Variants in ANKRD12 observed in about 807,000 individuals in gnomAD.
The protein encoded by ANKRD12 is ankyrin repeat domain 12, also known as ankyrin repeat domain-containing protein 12.
ANKRD12 carries 85 observed loss-of-function variants against 183.4 expected under a neutral mutation model. The observed-to-expected ratio is 0.46, with a 90% CI of 0.39 to 0.56. The LOEUF is 0.56. Among genes scored for constraint, ANKRD12 ranks in the 20% least tolerant of loss-of-function variants. The probability of loss-of-function intolerance (pLI) is 0.00; values close to 1 mark genes in which losing one functional copy is unlikely to be tolerated. For missense variants in ANKRD12, 2,405 were observed against 2,357.1 expected (o/e 1.02, Z -0.42); for synonymous variants, 914 against 800.2 (o/e 1.14, Z -2.40).
Position 9,275,513 on chromosome 18 carries a change from T to C in ANKRD12, c.5764-11T>C. On this transcript the variant is annotated splice_polypyrimidine_tract_variant and intron_variant, in intron 10 of 12. Transcript: ENST00000262126. Reference sequence around the variant, plus strand: ...AAGAATTTATTTTTTTTTAATTCTTTATTCAACTAGGAAAAACTCATTGTA... The same window carrying C: ...AAGAATTTATTTTTTTTTAATTCTTCATTCAACTAGGAAAAACTCATTGTA... The C allele has an allele frequency of 3.1e-6, 5 of 1,595,052 alleles. No individual in the cohort carries two copies. Among genetic ancestry groups the C allele is most frequent in the Non-Finnish European group, 4.3e-6 (5 of 1,168,618 alleles).
At chr18:9,276,306 CTA>C (rs1318070038) in intron 11 of ANKRD12, among the ~76,000 whole-genome samples, 1 of 152,128 alleles carries the variant, frequency 6.6e-6, no homozygotes, top group African/African-American at 2.4e-5. Context: ...AGGAAATAAG[CTA>C]GTAGTACAAA....
chr18:9,146,384 A>C (rs1406942526), intron 1 of ANKRD12, among the ~76,000 whole-genome samples: 1 of 152,118 alleles, frequency 6.6e-6, no homozygotes, highest in Non-Finnish European at 1.5e-5. Context: ...GTGAGACTCC[A>C]TCTACAAAAG....
intron 7 of ANKRD12, among the ~76,000 whole-genome samples, chr18:9,218,423 A>G (rs1221280602): frequency 6.6e-6 from 1 of 152,150 alleles, no homozygotes; most frequent in African/African-American, 2.4e-5. Context: ...CCAAAAATTC[A>G]TTTCTGTATA....
At chr18:9,199,949 C>T (rs1212320100) in intron 3 of ANKRD12, among the ~76,000 whole-genome samples, 2 of 151,962 alleles carry the variant, frequency 1.3e-5, no homozygotes, top group Non-Finnish European at 2.9e-5. Flanking sequence ...TTTTGTATGG[C>T]TTGAATTCTT....
intron 10 of ANKRD12, among the ~76,000 whole-genome samples, chr18:9,271,411 C>T (rs535610275): frequency 6.6e-5 from 10 of 152,150 alleles, no homozygotes; most frequent in South Asian, 4.1e-4. Flanking sequence ...TTTAGCAACT[C>T]GGGAGGCTGA....
chr18:9,144,842 A>T (rs2078439619), intron 1 of ANKRD12, among the ~76,000 whole-genome samples: 1 of 152,128 alleles, frequency 6.6e-6, no homozygotes, highest in African/African-American at 2.4e-5. Flanking sequence ...AGGGGAAAAT[A>T]TGTAATTTGC....
intron 1 of ANKRD12, among the ~76,000 whole-genome samples, chr18:9,155,648 T>G (rs1346393086): frequency 6.6e-6 from 1 of 152,244 alleles, no homozygotes; most frequent in East Asian, 1.9e-4. Context: ...GTCAGACTTT[T>G]AAGTGAGAAG....
intron 8 of ANKRD12, among the ~76,000 whole-genome samples, chr18:9,242,463 CAAAAA>C (rs5823047): frequency 6.6e-6 from 1 of 150,598 alleles, no homozygotes; most frequent in African/African-American, 2.4e-5. Context: ...TATATGCATA[CAAAAA>C]AAAATGAGTT....
At chr18:9,276,134 T>C (rs554828212) in intron 11 of ANKRD12, among the ~76,000 whole-genome samples, 5 of 152,374 alleles carry the variant, frequency 3.3e-5, no homozygotes, top group African/African-American at 1.2e-4. Flanking sequence ...CAATAAAGTT[T>C]ACTGCCACAT....
chr18:9,164,176 T>A lies in ANKRD12; in HGVS notation c.-51-18206T>A, dbSNP rs540815019. On this transcript the variant is annotated intron_variant, in intron 1 of 12. Transcript: ENST00000262126. ...GTGGGTTTGTCATATATGGCTGTTATTATTTTGTGGTATGTTCCTTCAGTC... is the reference window on the plus strand; with the variant it reads ...GTGGGTTTGTCATATATGGCTGTTAATATTTTGTGGTATGTTCCTTCAGTC... Among the ~76,000 whole-genome samples, 22 of 152,304 alleles carry A rather than the reference T, an allele frequency of 1.4e-4. No individual in the cohort carries two copies. The South Asian group carries it at 4.1e-3, about 29-fold the overall frequency.
At chr18:9,205,185 A>G (rs1319455205) in intron 4 of ANKRD12, among the ~76,000 whole-genome samples, 1 of 152,190 alleles carries the variant, frequency 6.6e-6, no homozygotes, top group Non-Finnish European at 1.5e-5. Context: ...ATACAAGAGG[A>G]TATACAAGTA....
rs72939232 is a variant in ANKRD12, at chr18:9,255,786, C to T, written c.2519C>T (p.Thr840Ile). Residue 840 changes from threonine (T) to isoleucine (I), a missense_variant, in exon 9 of 13, where the codon ACC becomes ATC. Physicochemically the swap from Thr to Ile is moderately conservative, Grantham distance 89 (BLOSUM62 -1). Coordinates refer to ENST00000262126, the MANE Select transcript of ANKRD12 (RefSeq NM_015208.5). ...EKDIEKMERK[T>I]FEKEKKIKHE... ...GACATTGAGAAGATGGAAAGAAAAA[C>T]CTTTGAAAAAGAAAAGAAGATAAAA... 61 of 1,571,708 alleles carry T rather than the reference C, an allele frequency of 3.9e-5. No individual in the cohort carries two copies. Among genetic ancestry groups the T allele is most frequent in the Admixed American group, 1.0e-4 (5 of 48,170 alleles).
chr18:9,198,591 C>G (rs1442177806), intron 3 of ANKRD12, among the ~76,000 whole-genome samples: 1 of 152,034 alleles, frequency 6.6e-6, no homozygotes, highest in Non-Finnish European at 1.5e-5. Flanking sequence ...ACTCTGTCGC[C>G]CAGGCTGGAG....
At chr18:9,264,911 G>C (rs1375281075) in intron 10 of ANKRD12, among the ~76,000 whole-genome samples, 1 of 152,224 alleles carries the variant, frequency 6.6e-6, no homozygotes, top group Non-Finnish European at 1.5e-5. Flanking sequence ...AGCTGCCAGC[G>C]TGAGCGACGC....
intron 10 of ANKRD12, 73 bp from the exon 11 acceptor site, chr18:9,275,451 C>T (rs986742284): frequency 3.6e-6 from 5 of 1,402,428 alleles, no homozygotes; most frequent in Middle Eastern, 2.5e-4. Flanking sequence ...CCAGCCTAGG[C>T]GAGAGAGTAA....
At chr18:9,137,267 G>C (rs1254348461) in intron 1 of ANKRD12, among the ~76,000 whole-genome samples, 2 of 147,148 alleles carry the variant, frequency 1.4e-5, no homozygotes, top group African/African-American at 4.9e-5. Context: ...CGCGGCGCAG[G>C]TGGGAGCCGC....
intron 8 of ANKRD12, among the ~76,000 whole-genome samples, chr18:9,249,932 A>G (rs948260982): frequency 5.3e-5 from 8 of 152,218 alleles, no homozygotes; most frequent in Non-Finnish European, 8.8e-5. Context: ...GAGGGGAGTC[A>G]TGGTATAACA....
chr18:9,177,139 A>G (rs557522871), intron 1 of ANKRD12, among the ~76,000 whole-genome samples: 3 of 152,348 alleles, frequency 2.0e-5, no homozygotes, highest in South Asian at 4.1e-4. Flanking sequence ...GCCCTGAACA[A>G]GTATTAATAT....
At chr18:9,205,304 AGCTTAAATAAAAATAT>A (rs1206776948) in intron 4 of ANKRD12, among the ~76,000 whole-genome samples, 107 of 132,960 alleles carry the variant, frequency 8.0e-4, no homozygotes, top group Non-Finnish European at 9.1e-4. Flanking sequence ...GTTATCTCTG[AGCTTAAATAAAAATAT>A]GATTTTTTTT....
Sources: allele counts gnomAD v4.1 joint callset (sites outside exome capture counted in the v4.1 genomes callset), GRCh38; gene constraint gnomAD v4.1.1; transcripts MANE v1.5; gene names NCBI Gene and HGNC (gene_info 2026-07-23, HGNC 2026-07-21).